CPEB3: variants seen among roughly 807,000 people sequenced by gnomAD.
The protein encoded by CPEB3 is cytoplasmic polyadenylation element binding protein 3.
A neutral mutation model predicts 67.2 loss-of-function variants in CPEB3; 20 were observed. The observed-to-expected ratio is 0.30, with a 90% CI of 0.21 to 0.43. The LOEUF is 0.43. Ranked by LOEUF, CPEB3 falls within the 20% of genes least tolerant of loss-of-function variation. The pLI is 1.00. For missense variants in CPEB3, 746 were observed against 968.6 expected (o/e 0.77, Z 3.05); for synonymous variants, 376 against 393.1 (o/e 0.96, Z 0.51).
chr10:92,257,387 C>A (rs1423063705), intron 1 of CPEB3, among the ~76,000 whole-genome samples: 4 of 152,134 alleles, frequency 2.6e-5, no homozygotes, highest in African/African-American at 7.2e-5. Flanking sequence ...CTCAACCTCG[C>A]AGGCTCAAGT....
intron 7 of CPEB3, among the ~76,000 whole-genome samples, chr10:92,096,031 T>A (rs1372468277): frequency 8.9e-6 from 1 of 112,342 alleles, no homozygotes; most frequent in African/African-American, 3.4e-5. Flanking sequence ...CACACCTGGC[T>A]GATTTTTTTT....
intron 2 of CPEB3, among the ~76,000 whole-genome samples, chr10:92,229,410 C>T (rs1376404272): frequency 6.6e-6 from 1 of 151,836 alleles, no homozygotes; most frequent in East Asian, 1.9e-4. Context: ...GTTAATAACT[C>T]GACATGACAA....
chr10:92,254,600 G>A (rs1366631986), intron 1 of CPEB3, among the ~76,000 whole-genome samples: 1 of 152,036 alleles, frequency 6.6e-6, no homozygotes, highest in Admixed American at 6.6e-5. Context: ...GGGCCTCCTG[G>A]CCACAAAGTA....
intron 2 of CPEB3, among the ~76,000 whole-genome samples, chr10:92,225,255 G>T (rs1046339650): frequency 6.6e-6 from 1 of 152,038 alleles, no homozygotes; most frequent in Admixed American, 6.5e-5. Flanking sequence ...TTACAGGCGT[G>T]AGCCACCGCG....
At chr10:92,271,714 G>C (rs945719816) in intron 1 of CPEB3, among the ~76,000 whole-genome samples, 11 of 152,200 alleles carry the variant, frequency 7.2e-5, no homozygotes, top group Admixed American at 2.0e-4. Context: ...TTAAAATAGT[G>C]TCTACCAGAT....
At chr10:92,206,898 T>C (rs914461035) in intron 2 of CPEB3, among the ~76,000 whole-genome samples, 1 of 152,224 alleles carries the variant, frequency 6.6e-6, no homozygotes, top group African/African-American at 2.4e-5. Flanking sequence ...AAAAAGTGCT[T>C]TGGAATTATT....
rs1237665769 is a variant in CPEB3 at position 92,134,905 on chromosome 10, A to C, written c.1453+8124T>G. On this transcript the variant is annotated intron_variant, in intron 6 of 9. Coordinates refer to ENST00000265997, the MANE Select transcript of CPEB3 (RefSeq NM_014912.5). ...CTTTGACAAACCTGACAAAAACAAA[A>C]AATGGGGAAAGGATTCCCTATTTAA... Among the ~76,000 whole-genome samples the C allele has an allele frequency of 8.0e-5, 12 of 150,512 alleles. No individual in the cohort carries two copies. In the East Asian group the frequency reaches 1.2e-3, roughly 15 times the overall value.
intron 7 of CPEB3, among the ~76,000 whole-genome samples, chr10:92,108,883 AAC>A (rs1844598224): frequency 6.6e-6 from 1 of 152,170 alleles, no homozygotes; most frequent in South Asian, 2.1e-4. Context: ...TTGTCACCAC[AAC>A]ACCTCCATCT....
intron 1 of CPEB3, among the ~76,000 whole-genome samples, chr10:92,254,235 A>G (rs950868071): frequency 1.1e-4 from 16 of 152,186 alleles, no homozygotes; most frequent in African/African-American, 3.9e-4. Flanking sequence ...CCTTTAAAAA[A>G]AAAAAAATGC....
At chr10:92,204,104 A>C (rs1048323720) in intron 2 of CPEB3, 1 of 152,120 alleles carries the variant, frequency 6.6e-6, no homozygotes, top group Non-Finnish European at 1.5e-5. Context: ...ATTTATGACC[A>C]GGGCACATTT....
chr10:92,239,417 G>C lies in CPEB3; in HGVS notation c.934C>G (p.Leu312Val). 4 of 1,603,990 alleles carry C rather than the reference G, an allele frequency of 2.5e-6. No homozygotes were observed. Among genetic ancestry groups the C allele is most frequent in the Admixed American group, 1.7e-5 (1 of 58,430 alleles). ...APPKFPRAAPLTSKSWMEDNA... is the reference protein window; with the variant it reads ...APPKFPRAAPVTSKSWMEDNA... ...TCCTCCATCCAGGACTTGGAAGTGA[G>C]AGGGGCCGCGCGAGGGAACTTGGGC... Residue 312 changes from leucine (L) to valine (V), a missense_variant, in exon 2 of 10, where the codon CTC becomes GTC. Physicochemically the swap from Leu to Val is conservative, Grantham distance 32. Transcript: ENST00000265997. This position sits in a 1 kb window ranked among gnomAD's most constrained non-coding sequence, Gnocchi z 6.0.
intron 2 of CPEB3, among the ~76,000 whole-genome samples, chr10:92,201,422 GGA>G (rs1849519462): frequency 6.6e-6 from 1 of 152,108 alleles, no homozygotes; most frequent in Non-Finnish European, 1.5e-5. Flanking sequence ...CAGCTACCTG[GGA>G]GGCTGAGGCA....
Position 92,226,946 on chromosome 10 carries a change from CCTGA to C in CPEB3, c.1005+12396_1005+12399del, listed in dbSNP as rs1190019035. Among the ~76,000 whole-genome samples, 7 of 152,114 alleles carry C rather than the reference CCTGA, an allele frequency of 4.6e-5. No homozygotes were observed. In the East Asian group the frequency reaches 5.8e-4, roughly 13 times the overall value. On this transcript the variant is annotated intron_variant, in intron 2 of 9. Transcript: ENST00000265997. ...CTCCCCCTTCAGAACTGCAGCGCCT[CCTGA>C]CTGAGCCCCAATTTTGTCAAAATCT...
intron 7 of CPEB3, among the ~76,000 whole-genome samples, chr10:92,108,633 C>T (rs1564786366): frequency 6.6e-6 from 1 of 152,128 alleles, no homozygotes; most frequent in African/African-American, 2.4e-5. Context: ...ATGCCTGGGT[C>T]AAAGAAATGT....
chr10:92,161,953 G>T (rs533959582), intron 4 of CPEB3, among the ~76,000 whole-genome samples: 1 of 152,164 alleles, frequency 6.6e-6, no homozygotes, highest in Non-Finnish European at 1.5e-5. Flanking sequence ...GAGCCACTGC[G>T]CCCGGCTGAC....
In CPEB3 at chr10:92,279,500, T is replaced by C. The variant is rs147469821; in HGVS notation, c.-12+11426A>G. Among the ~76,000 whole-genome samples, 386 of 152,282 alleles carry C rather than the reference T, an allele frequency of 2.5e-3. 2 individuals are homozygous for C. The highest frequency in any genetic ancestry group is 5.4e-3 in the Admixed American group (82 of 15,270). ...TTTTCCTTCACAGTACTCCAGCATATGTCTATTTATAGCACTTCATACTTC... is the reference window on the plus strand; with the variant it reads ...TTTTCCTTCACAGTACTCCAGCATACGTCTATTTATAGCACTTCATACTTC... On this transcript the variant is annotated intron_variant, in intron 1 of 9. Transcript: ENST00000265997.
intron 2 of CPEB3, among the ~76,000 whole-genome samples, chr10:92,228,437 A>G (rs1851091476): frequency 6.6e-6 from 1 of 152,134 alleles, no homozygotes; most frequent in East Asian, 1.9e-4. Flanking sequence ...TTCTAGATAC[A>G]TTTACCTCTC....
chr10:92,203,466 A>G (rs1377664070), intron 2 of CPEB3, among the ~76,000 whole-genome samples: 2 of 146,576 alleles, frequency 1.4e-5, no homozygotes, highest in Non-Finnish European at 3.0e-5. Context: ...ATATATGTAT[A>G]TGTGTATATA....
At chr10:92,148,283 C>T (rs893844842) in intron 4 of CPEB3, among the ~76,000 whole-genome samples, 14 of 152,128 alleles carry the variant, frequency 9.2e-5, no homozygotes, top group Admixed American at 6.5e-4. Flanking sequence ...AGACCTCCTT[C>T]GTATTTTCGA....
Sources: allele counts gnomAD v4.1 joint callset (sites outside exome capture counted in the v4.1 genomes callset), GRCh38; gene constraint gnomAD v4.1.1; non-coding constraint Gnocchi (gnomAD v3.1); transcripts MANE v1.5; gene names NCBI Gene and HGNC (gene_info 2026-07-23, HGNC 2026-07-21).